LNX1: variants seen among roughly 807,000 people sequenced by gnomAD.
LNX1 encodes ligand of numb-protein X 1.
A neutral mutation model predicts 68.4 loss-of-function variants in LNX1; 54 were observed. The observed-to-expected ratio is 0.79, with a 90% CI of 0.63 to 0.99. The LOEUF (loss-of-function observed/expected upper bound fraction) is 0.99, where lower values mean the gene tolerates loss of function less well. LNX1 is among the 50% of genes least tolerant of loss of function. LNX1 has a pLI of 0.00. For missense variants in LNX1, 906 were observed against 926.4 expected (o/e 0.98, Z 0.29); for synonymous variants, 336 against 350.0 (o/e 0.96, Z 0.45).
At chr4:53,470,620 C>G (rs1297922433) in intron 9 of LNX1, among the ~76,000 whole-genome samples, 2 of 152,166 alleles carry the variant, frequency 1.3e-5, no homozygotes, top group East Asian at 3.8e-4. Flanking sequence ...TCTCCTTAAG[C>G]TGATAAGCAA....
At chr4:53,585,866 T>G (rs540027290) in intron 1 of LNX1, among the ~76,000 whole-genome samples, 10 of 152,266 alleles carry the variant, frequency 6.6e-5, no homozygotes, top group Admixed American at 5.9e-4. Flanking sequence ...TGGGTATTTG[T>G]TATGGCAGCC....
chr4:53,556,661 C>G (rs1729935040), intron 2 of LNX1, among the ~76,000 whole-genome samples: 1 of 152,222 alleles, frequency 6.6e-6, no homozygotes, highest in Admixed American at 6.5e-5. Flanking sequence ...AAGCTAGACA[C>G]TTTCTCTTGG....
intron 4 of LNX1, among the ~76,000 whole-genome samples, chr4:53,503,391 T>C (rs1344690346): frequency 6.6e-6 from 1 of 152,208 alleles, no homozygotes; most frequent in African/African-American, 2.4e-5. Flanking sequence ...AAATTACTCT[T>C]TGATCCACGG....
intron 2 of LNX1, among the ~76,000 whole-genome samples, chr4:53,599,090 G>A (rs1217690699): frequency 6.6e-6 from 1 of 152,200 alleles, no homozygotes; most frequent in Non-Finnish European, 1.5e-5. Flanking sequence ...TGAGTTTGCA[G>A]AGCTAACATT....
intron 2 of LNX1, among the ~76,000 whole-genome samples, chr4:53,613,103 G>A (rs1333822641): frequency 6.7e-6 from 1 of 149,318 alleles, no homozygotes. Flanking sequence ...TATTAATATG[G>A]GCTTTCTGGG....
chr4:53,513,184 C>A (rs1037746562), intron 2 of LNX1, among the ~76,000 whole-genome samples: 3 of 152,072 alleles, frequency 2.0e-5, no homozygotes, highest in African/African-American at 7.2e-5. Flanking sequence ...TTATCGATCA[C>A]GGTCTCTTGC....
chr4:53,571,144 C>T (rs1250615717), intron 2 of LNX1, among the ~76,000 whole-genome samples: 1 of 151,974 alleles, frequency 6.6e-6, no homozygotes, highest in African/African-American at 2.4e-5. Context: ...CTCAGCCTCC[C>T]AAGTAGCTGG....
intron 2 of LNX1, among the ~76,000 whole-genome samples, chr4:53,555,529 C>T (rs1414460414): frequency 6.6e-6 from 1 of 152,162 alleles, no homozygotes; most frequent in Non-Finnish European, 1.5e-5. Flanking sequence ...GCTTATATCT[C>T]TTATGTGTAT....
At chr4:53,592,085 C>T (rs1053133499), upstream of LNX1, among the ~76,000 whole-genome samples, 5 of 151,822 alleles carry the variant, frequency 3.3e-5, no homozygotes, top group Non-Finnish European at 5.9e-5. Flanking sequence ...TTTGCGCTAC[C>T]CCCTCCCCCG....
intron 2 of LNX1, among the ~76,000 whole-genome samples, chr4:53,533,090 G>T (rs188328341): frequency 6.6e-6 from 1 of 152,306 alleles, no homozygotes; most frequent in East Asian, 1.9e-4. Flanking sequence ...TCAACACATG[G>T]CATAATTGTG....
intron 2 of LNX1, among the ~76,000 whole-genome samples, chr4:53,519,338 C>A (rs572564522): frequency 1.3e-5 from 2 of 152,172 alleles, no homozygotes; most frequent in African/African-American, 4.8e-5. Context: ...GGCCAACTTA[C>A]CCATCTCCCA....
chr4:53,618,364 G>A (rs1733754177), upstream of LNX1, among the ~76,000 whole-genome samples: 1 of 152,144 alleles, frequency 6.6e-6, no homozygotes, highest in Admixed American at 6.6e-5. Flanking sequence ...TAGTCCATTA[G>A]GCAGAGACAC....
At chr4:53,503,281 G>T (rs1031335367) in intron 4 of LNX1, among the ~76,000 whole-genome samples, 8 of 152,072 alleles carry the variant, frequency 5.3e-5, no homozygotes, top group Non-Finnish European at 1.0e-4. Flanking sequence ...TTTCCAGAAG[G>T]TTTTCAATTT....
rs551214184 is a variant in LNX1, at chr4:53,496,304, G to A, written c.1069C>T (p.Arg357Cys). ...TTCCTGCTGCGGAACTTCTGTTCAC[G>A]CATCACAGTCAGCCACAGCACCTGG... ...PCQVLWLTVM[R>C]EQKFRSRNNG... Residue 357 changes from arginine (R) to cysteine (C), a missense_variant, in exon 6 of 11, where the codon CGT (arginine) becomes TGT (cysteine). Coordinates refer to ENST00000263925, the MANE Select transcript of LNX1 (RefSeq NM_001126328.3). 6.8e-6 allele frequency: 11 copies of A among 1,614,156 alleles called. No individual in the cohort carries two copies. Among genetic ancestry groups the A allele is most frequent in the Non-Finnish European group, 9.3e-6 (11 of 1,180,038 alleles).
At chr4:53,484,758 C>T (rs1191682090) in intron 6 of LNX1, among the ~76,000 whole-genome samples, 3 of 152,066 alleles carry the variant, frequency 2.0e-5, no homozygotes, top group East Asian at 3.9e-4. Context: ...CAACTGCTAG[C>T]GTACAGTAAG....
chr4:53,542,345 G>A (rs1728817759), intron 2 of LNX1, among the ~76,000 whole-genome samples: 1 of 152,188 alleles, frequency 6.6e-6, no homozygotes. Flanking sequence ...AAAGGGATGG[G>A]GTAGGGGGTG....
intron 2 of LNX1, among the ~76,000 whole-genome samples, chr4:53,515,409 A>G (rs1011523700): frequency 2.6e-5 from 4 of 152,178 alleles, no homozygotes; most frequent in African/African-American, 9.7e-5. Flanking sequence ...CTGATAATGC[A>G]TAATTACTTG....
intron 2 of LNX1, among the ~76,000 whole-genome samples, chr4:53,568,218 C>CT (rs1193114099): frequency 6.6e-6 from 1 of 151,788 alleles, no homozygotes; most frequent in Non-Finnish European, 1.5e-5. Flanking sequence ...GACCAATATC[C>CT]TTGATGAACA....
intron 2 of LNX1, among the ~76,000 whole-genome samples, chr4:53,598,837 A>T (rs1220711053): frequency 6.6e-6 from 1 of 152,254 alleles, no homozygotes; most frequent in Non-Finnish European, 1.5e-5. Flanking sequence ...AATAATGAAG[A>T]CATTAATTCA....
Sources: allele counts gnomAD v4.1 joint callset (sites outside exome capture counted in the v4.1 genomes callset), GRCh38; gene constraint gnomAD v4.1.1; transcripts MANE v1.5; gene names NCBI Gene and HGNC (gene_info 2026-07-23, HGNC 2026-07-21).